The following DLG2 variants were observed in gnomAD, a reference collection of about 807,000 sequenced individuals.
DLG2 encodes the protein discs large MAGUK scaffold protein 2, also known as disks large homolog 2.
A neutral mutation model predicts 132.5 loss-of-function variants in DLG2; 45 were observed. The ratio of observed to expected loss-of-function variants is 0.34; its 90% CI spans 0.27 to 0.44. DLG2 has a LOEUF of 0.44. Ranked by LOEUF, DLG2 falls within the 20% of genes least tolerant of loss-of-function variation. The pLI, the probability that DLG2 is intolerant of heterozygous loss-of-function variation, is 1.00. For synonymous variants in DLG2, 424 were observed against 419.6 expected (o/e 1.01, Z -0.13); for missense variants, 1,045 against 1,196.9 (o/e 0.87, Z 1.87).
intron 19 of DLG2, among the ~76,000 whole-genome samples, chr11:83,577,861 T>C (rs1221196826): frequency 2.4e-5 from 3 of 123,632 alleles, no homozygotes; most frequent in Non-Finnish European, 4.8e-5. Context: ...TATATAATTA[T>C]ATTATAAATA....
At chr11:83,545,555 CT>C (rs2096217882) in intron 19 of DLG2, among the ~76,000 whole-genome samples, 1 of 152,072 alleles carries the variant, frequency 6.6e-6, no homozygotes, top group Admixed American at 6.6e-5. Context: ...TTTCAGGTGA[CT>C]TTTGAAAGCC....
chr11:83,562,039 G>C (rs625091), intron 19 of DLG2, among the ~76,000 whole-genome samples: 71,507 of 151,072 alleles, frequency 0.47, 17,471 homozygotes, highest in Admixed American at 0.57. Context: ...CAGGTGCCCA[G>C]CACCACGCCC....
At chr11:84,390,560 G>A (rs967307192) in intron 7 of DLG2, among the ~76,000 whole-genome samples, 9 of 152,090 alleles carry the variant, frequency 5.9e-5, no homozygotes, top group South Asian at 4.1e-4. Context: ...CAAGGAGACC[G>A]CAGGTGGTAA....
At chr11:85,562,351 G>GAC (rs759090464) in intron 3 of DLG2, among the ~76,000 whole-genome samples, 10 of 151,880 alleles carry the variant, frequency 6.6e-5, no homozygotes, top group Non-Finnish European at 1.0e-4. Context: ...GTATCAGTGA[G>GAC]AAGAGAAAAT....
intron 6 of DLG2, among the ~76,000 whole-genome samples, chr11:84,711,025 T>TAG (rs550463217): frequency 0.012 from 1,235 of 100,500 alleles, 8 homozygotes; most frequent in Middle Eastern, 0.047. Flanking sequence ...TATATATATA[T>TAG]ATATATAGAG....
At chr11:84,581,546 A>C (rs911359902) in intron 6 of DLG2, among the ~76,000 whole-genome samples, 1 of 152,222 alleles carries the variant, frequency 6.6e-6, no homozygotes, top group African/African-American at 2.4e-5. Flanking sequence ...TAAACATATG[A>C]TAGACATTAC....
At chr11:85,555,397 C>T (rs1288683916) in intron 3 of DLG2, among the ~76,000 whole-genome samples, 9 of 151,854 alleles carry the variant, frequency 5.9e-5, no homozygotes, top group Admixed American at 5.9e-4. Context: ...CCTCAATGCA[C>T]TAATTTATAA....
chr11:84,854,525 T>A (rs999758108), intron 6 of DLG2, among the ~76,000 whole-genome samples: 5 of 151,966 alleles, frequency 3.3e-5, no homozygotes, highest in African/African-American at 4.8e-5. Context: ...GGCAAAAACA[T>A]CCACTGAAAA....
At chr11:85,359,683 A>G (rs1215510517) in intron 3 of DLG2, among the ~76,000 whole-genome samples, 1 of 152,194 alleles carries the variant, frequency 6.6e-6, no homozygotes, top group African/African-American at 2.4e-5. Flanking sequence ...AGTTCAGGCA[A>G]TGCTCTTTAA....
intron 6 of DLG2, among the ~76,000 whole-genome samples, chr11:84,630,784 CAG>C (rs917705492): frequency 6.6e-6 from 1 of 152,016 alleles, no homozygotes; most frequent in African/African-American, 2.4e-5. Flanking sequence ...TGTAAGGAAA[CAG>C]GGAGTGAAGA....
chr11:85,197,569 A>G (rs2081163145), intron 4 of DLG2, among the ~76,000 whole-genome samples: 1 of 152,222 alleles, frequency 6.6e-6, no homozygotes, highest in Non-Finnish European at 1.5e-5. Flanking sequence ...ATTTTCCTTA[A>G]ATTAAGCTTT....
intron 15 of DLG2, among the ~76,000 whole-genome samples, chr11:83,928,857 C>T (rs1233962510): frequency 6.6e-6 from 1 of 152,122 alleles, no homozygotes; most frequent in Admixed American, 6.5e-5. Context: ...GTTAGCTACC[C>T]TTATGTAGCT....
intron 3 of DLG2, among the ~76,000 whole-genome samples, chr11:85,487,804 G>T (rs921546646): frequency 6.6e-6 from 1 of 152,140 alleles, no homozygotes; most frequent in African/African-American, 2.4e-5. Flanking sequence ...ACAGATACAG[G>T]AGGCTCAGTG....
intron 6 of DLG2, among the ~76,000 whole-genome samples, chr11:84,873,841 T>C (rs1482534966): frequency 6.6e-6 from 1 of 152,218 alleles, no homozygotes; most frequent in Non-Finnish European, 1.5e-5. Context: ...GCTCCTTATC[T>C]GAATAAAATT....
rs11821063 is a variant in DLG2, at chr11:85,608,440, T to C, written c.-92-9652A>G. On this transcript the variant is annotated intron_variant, in intron 2 of 27. Coordinates refer to ENST00000376104, the MANE Select transcript of DLG2 (RefSeq NM_001142699.3). ...GTTTGACCTTTTCTGTAAGATGGAA[T>C]GCAAATGGAGTGAAATACCTTACGT... 9.1e-3 allele frequency among the ~76,000 whole-genome samples: 1,388 copies of C among 152,298 alleles called. 19 individuals are homozygous for C. The highest frequency in any genetic ancestry group is 0.03 in the African/African-American group (1,238 of 41,574).
At chr11:83,941,742 T>G (rs1227389388) in intron 14 of DLG2, among the ~76,000 whole-genome samples, 1 of 152,216 alleles carries the variant, frequency 6.6e-6, no homozygotes, top group Non-Finnish European at 1.5e-5. Flanking sequence ...GTATTTTCAG[T>G]GCTCATTAAG....
intron 8 of DLG2, among the ~76,000 whole-genome samples, chr11:84,242,483 G>A (rs2097243945): frequency 6.6e-6 from 1 of 151,210 alleles, no homozygotes; most frequent in Admixed American, 6.6e-5. Context: ...CCGGCTCACT[G>A]CAACTGCTGC....
chr11:83,701,449 T>A (rs1185306130), intron 18 of DLG2, among the ~76,000 whole-genome samples: 2 of 152,178 alleles, frequency 1.3e-5, no homozygotes, highest in South Asian at 2.1e-4. Context: ...CATTCATCCA[T>A]CCATTAAACC....
intron 6 of DLG2, among the ~76,000 whole-genome samples, chr11:84,666,843 C>G (rs558303479): frequency 3.3e-5 from 5 of 152,020 alleles, no homozygotes; most frequent in Admixed American, 3.3e-4. Flanking sequence ...CCAAGAAACA[C>G]AAAACTGGAA....
Sources: gnomAD v4.1 joint callset for allele counts (sites outside exome capture counted in the v4.1 genomes callset) on GRCh38, gnomAD v4.1.1 for gene constraint, MANE v1.5 for transcripts, NCBI Gene and HGNC (gene_info 2026-07-23, HGNC 2026-07-21) for gene names.